Variants in KCNJ6 observed in about 807,000 individuals in gnomAD.
KCNJ6 encodes potassium inwardly rectifying channel subfamily J member 6.
KCNJ6 carries 9 observed loss-of-function variants against 34.2 expected under a neutral mutation model. That is an observed-to-expected ratio of 0.26 (90% CI 0.16 to 0.46). The LOEUF (loss-of-function observed/expected upper bound fraction) is 0.46, where lower values mean the gene tolerates loss of function less well. Ranked by LOEUF, KCNJ6 falls within the 20% of genes least tolerant of loss-of-function variation. The pLI is 1.00. For synonymous variants in KCNJ6, 196 were observed against 207.1 expected, an observed-to-expected ratio of 0.95 and a Z score of 0.46; for missense variants, 236 against 531.3, an observed-to-expected ratio of 0.44 and a Z score of 5.46.
chr21:37,628,762 C>T (rs575502071), intron 3 of KCNJ6, among the ~76,000 whole-genome samples: 3 of 152,174 alleles, frequency 2.0e-5, no homozygotes, highest in Admixed American at 6.5e-5. Context: ...TGAAACATGA[C>T]GATGAAGGTA....
chr21:37,777,778 C>T (rs2055149181), intron 2 of KCNJ6, among the ~76,000 whole-genome samples: 1 of 152,210 alleles, frequency 6.6e-6, no homozygotes, highest in Non-Finnish European at 1.5e-5. Flanking sequence ...GCAGGCTTTT[C>T]AACCTGGCTC....
intron 3 of KCNJ6, among the ~76,000 whole-genome samples, chr21:37,641,755 G>C (rs1176197194): frequency 6.6e-6 from 1 of 152,194 alleles, no homozygotes; most frequent in Non-Finnish European, 1.5e-5. Flanking sequence ...TCTGACTGCA[G>C]AGGAGAAAAC....
intron 1 of KCNJ6, among the ~76,000 whole-genome samples, chr21:37,852,690 C>A (rs2055543662): frequency 6.6e-6 from 1 of 152,152 alleles, no homozygotes; most frequent in Non-Finnish European, 1.5e-5. Context: ...ACAGAAAGAG[C>A]TAAAACTGAA....
intron 1 of KCNJ6, among the ~76,000 whole-genome samples, chr21:37,855,652 G>A (rs2055561119): frequency 6.6e-6 from 1 of 152,188 alleles, no homozygotes; most frequent in Admixed American, 6.5e-5. Flanking sequence ...GACTGCATCT[G>A]CTGGGGGCCC....
intron 3 of KCNJ6, among the ~76,000 whole-genome samples, chr21:37,690,031 A>G (rs1257027318): frequency 6.6e-6 from 1 of 152,226 alleles, no homozygotes; most frequent in Admixed American, 6.5e-5. Flanking sequence ...CTCTGCAATA[A>G]ACTACAGATT....
chr21:37,647,000 C>A (rs1346144899), intron 3 of KCNJ6, among the ~76,000 whole-genome samples: 1 of 152,144 alleles, frequency 6.6e-6, no homozygotes, highest in Non-Finnish European at 1.5e-5. Context: ...GTTTCAACAG[C>A]AGCTCTTCCA....
chr21:37,809,510 A>G (rs966639480), intron 2 of KCNJ6, among the ~76,000 whole-genome samples: 7 of 152,122 alleles, frequency 4.6e-5, no homozygotes, highest in East Asian at 3.8e-4. Flanking sequence ...ATGTACCCTA[A>G]AACTTAAAGT....
In KCNJ6 at chr21:37,614,381, T is replaced by TGTGTGTGC. The variant is rs2054253724; in HGVS notation, c.*10777_*10778insGCACACAC. The stretch of plus-strand genomic sequence containing the variant: ...AAGAGTGTGTGTGTGTGTGTGTGTG[T>TGTGTGTGC]GTATATCTGTGTGTGCGTATGCATG... On this transcript the variant is annotated 3_prime_UTR_variant, in exon 4 of 4. Transcript: ENST00000609713. 1 of 84,024 alleles carries TGTGTGTGC rather than the reference T, an allele frequency of 1.2e-5. No homozygotes were observed. 5.2% of individuals were successfully genotyped at this position (84,024 alleles called of 1,614,324 possible).
chr21:37,762,363 A>C (rs372906378), intron 2 of KCNJ6, among the ~76,000 whole-genome samples: 1 of 152,134 alleles, frequency 6.6e-6, no homozygotes, highest in South Asian at 2.1e-4. Context: ...CCTTTAGAGT[A>C]AGGGATGTGG....
intron 2 of KCNJ6, among the ~76,000 whole-genome samples, chr21:37,819,102 C>T (rs905813170): frequency 6.6e-6 from 1 of 152,186 alleles, no homozygotes; most frequent in African/African-American, 2.4e-5. Flanking sequence ...TCACACTAGA[C>T]AAGCTGGATA....
chr21:37,777,289 T>A (rs1412774276), intron 2 of KCNJ6, among the ~76,000 whole-genome samples: 2 of 152,064 alleles, frequency 1.3e-5, no homozygotes, highest in Non-Finnish European at 2.9e-5. Context: ...TTAGCATGCC[T>A]CCCGCACCCT....
At chr21:37,835,225 T>C (rs2055445914) in intron 2 of KCNJ6, among the ~76,000 whole-genome samples, 1 of 152,090 alleles carries the variant, frequency 6.6e-6, no homozygotes, top group Non-Finnish European at 1.5e-5. Flanking sequence ...ACACAACTGA[T>C]GCAGAGAAGG....
At chr21:37,757,685 C>T (rs945974288) in intron 2 of KCNJ6, among the ~76,000 whole-genome samples, 1 of 148,668 alleles carries the variant, frequency 6.7e-6, no homozygotes, top group African/African-American at 2.5e-5. Flanking sequence ...AGAGTACTCC[C>T]TCACAGCATG....
chr21:37,633,927 T>TAA (rs527442734), intron 3 of KCNJ6, among the ~76,000 whole-genome samples: 17 of 103,754 alleles, frequency 1.6e-4, no homozygotes, highest in South Asian at 5.3e-4. Context: ...ATTCTTAAAG[T>TAA]CAAAAAAAAA....
intron 2 of KCNJ6, among the ~76,000 whole-genome samples, chr21:37,717,561 G>A (rs2054799943): frequency 6.6e-6 from 1 of 152,088 alleles, no homozygotes; most frequent in Admixed American, 6.5e-5. Context: ...TCCTTGAATG[G>A]TCAACAACTC....
In KCNJ6 at chr21:37,853,853, T is replaced by TATATATATATATATATATATAC. The variant is rs58043642; in HGVS notation, c.-27-13145_-27-13144insGTATATATATATATATATATAT. ...AGAGATACATATATATATGTATATA[T>TATATATATATATATATATATAC]ATATATATAAATTACATTGTGTATA... On this transcript the variant is annotated intron_variant, in intron 1 of 3. Transcript: ENST00000609713. Among the ~76,000 whole-genome samples, 13 of 142,278 alleles carry TATATATATATATATATATATAC rather than the reference T, an allele frequency of 9.1e-5. No individual in the cohort carries two copies. In the East Asian group the frequency reaches 1.7e-3, roughly 18 times the overall value. 93.3% of individuals were successfully genotyped at this position (142,278 alleles called of 152,430 possible).
chr21:37,648,334 C>A (rs971550074), intron 3 of KCNJ6, among the ~76,000 whole-genome samples: 2 of 152,068 alleles, frequency 1.3e-5, no homozygotes, highest in African/African-American at 4.8e-5. Context: ...ATGAATGGCA[C>A]CTGCTGGCTG....
At chr21:37,646,153 A>G (rs2054403451) in intron 3 of KCNJ6, among the ~76,000 whole-genome samples, 1 of 152,168 alleles carries the variant, frequency 6.6e-6, no homozygotes, top group South Asian at 2.1e-4. Context: ...TGTATATATC[A>G]ACGGATCTCT....
chr21:37,708,881 A>G (rs1178311688), intron 3 of KCNJ6, among the ~76,000 whole-genome samples: 3 of 152,256 alleles, frequency 2.0e-5, no homozygotes, highest in Non-Finnish European at 4.4e-5. Context: ...CAGCAGTCTT[A>G]TCTTTTCAAA....
Sources: allele counts gnomAD v4.1 joint callset (sites outside exome capture counted in the v4.1 genomes callset), GRCh38; gene constraint gnomAD v4.1.1; transcripts MANE v1.5; gene names NCBI Gene and HGNC (gene_info 2026-07-23, HGNC 2026-07-21).